FOXO3: variants seen among roughly 807,000 people sequenced by gnomAD.
The protein encoded by FOXO3 is forkhead box protein O3.
A neutral mutation model predicts 41.9 loss-of-function variants in FOXO3; 4 were observed. The observed-to-expected ratio is 0.10, with a 90% CI of 0.05 to 0.22. FOXO3 has a LOEUF of 0.22. Among genes scored for constraint, FOXO3 ranks in the 10% least tolerant of loss-of-function variants. FOXO3 has a pLI of 1.00. For missense variants in FOXO3, 534 were observed against 906.8 expected, an observed-to-expected ratio of 0.59 and a Z score of 5.28; for synonymous variants, 318 against 389.3, an observed-to-expected ratio of 0.82 and a Z score of 2.16.
intron 1 of FOXO3, among the ~76,000 whole-genome samples, chr6:108,588,332 A>AT (rs900055391): frequency 9.4e-5 from 14 of 149,368 alleles, no homozygotes; most frequent in Admixed American, 2.0e-4. Context: ...TGGATGTTGT[A>AT]TTTTTTTTTT....
At position 108,606,665 on chromosome 6, in the gene FOXO3, C is replaced by T. The variant is rs181336995; in HGVS notation, c.621+44836C>T. 3.7e-4 allele frequency among the ~76,000 whole-genome samples: 56 copies of T among 152,368 alleles called. 1 individual carries two copies. In the East Asian group the frequency reaches 5.0e-3, roughly 14 times the overall value. ...GAAAGCCAGGAACTGACAAACTTTT[C>T]TAGTCCTTTTGCCAGCCTGTTCTGC... is the stretch of plus-strand genomic sequence containing the variant. On this transcript the variant is annotated intron_variant, in intron 1 of 2. Transcript: ENST00000406360.
intron 2 of FOXO3, among the ~76,000 whole-genome samples, chr6:108,678,910 C>T (rs577326311): frequency 1.1e-4 from 13 of 120,300 alleles, no homozygotes; most frequent in Non-Finnish European, 2.0e-4. Context: ...GTCTCGCTGT[C>T]GCTCAGGCTG....
upstream of FOXO3, chr6:108,560,747 C>A (rs1488157859): frequency 2.9e-5 from 7 of 245,330 alleles, no homozygotes; most frequent in Non-Finnish European, 4.6e-5. Context: ...CAGCTCCGGC[C>A]GCTGCCCGCT....
At chr6:108,590,154 A>T (rs1776695326) in intron 1 of FOXO3, among the ~76,000 whole-genome samples, 1 of 149,828 alleles carries the variant, frequency 6.7e-6, no homozygotes, top group African/African-American at 2.5e-5. Context: ...TTTTTTTGAG[A>T]TGGCTTTACT....
intron 1 of FOXO3, among the ~76,000 whole-genome samples, chr6:108,616,240 C>T (rs1777508192): frequency 7.0e-6 from 1 of 143,094 alleles, no homozygotes; most frequent in Non-Finnish European, 1.5e-5. Flanking sequence ...TCTCGGCTCA[C>T]TGCAAGCTCC....
Position 108,681,713 on chromosome 6 carries a change from C to G in FOXO3, c.*1921C>G, listed in dbSNP as rs2128394511. ...AGTAGACTGTAGCACATTGCCTTTT[C>G]TAAACTGCTACATGTTTATAATCTT... On this transcript the variant is annotated 3_prime_UTR_variant, in exon 3 of 3. Coordinates refer to ENST00000406360, the MANE Select transcript of FOXO3 (RefSeq NM_001455.4). 1 of 152,364 alleles carries G rather than the reference C, an allele frequency of 6.6e-6. No individual in the cohort carries two copies. The highest frequency in any genetic ancestry group is 3.4e-3 in the Middle Eastern group (1 of 294). 9.4% of individuals were successfully genotyped at this position (152,364 alleles called of 1,614,324 possible). A position where few individuals can be genotyped will look rare whatever the true frequency, so the allele number is the denominator to read the frequency against.
chr6:108,564,506 C>T (rs143466206), intron 1 of FOXO3, among the ~76,000 whole-genome samples: 15 of 152,324 alleles, frequency 9.8e-5, no homozygotes, highest in Non-Finnish European at 1.5e-4. Flanking sequence ...TTCAGGTTAA[C>T]GTCTCCTAGT....
At chr6:108,582,811 T>C (rs1292154498) in intron 1 of FOXO3, among the ~76,000 whole-genome samples, 1 of 152,082 alleles carries the variant, frequency 6.6e-6, no homozygotes, top group African/African-American at 2.4e-5. Context: ...TCTTGTTGGG[T>C]GTAACTGCCT....
intron 1 of FOXO3, among the ~76,000 whole-genome samples, chr6:108,613,495 A>C (rs1777416713): frequency 6.6e-6 from 1 of 152,096 alleles, no homozygotes; most frequent in Admixed American, 6.5e-5. Context: ...CATTTTATTT[A>C]AGTTGTCTAA....
intron 1 of FOXO3, among the ~76,000 whole-genome samples, chr6:108,624,888 G>T (rs1203588448): frequency 6.6e-6 from 1 of 152,114 alleles, no homozygotes; most frequent in Non-Finnish European, 1.5e-5. Context: ...CTTTACCTGA[G>T]CCTCTGGAGT....
At chr6:108,647,712 A>G (rs1778431249) in intron 1 of FOXO3, among the ~76,000 whole-genome samples, 1 of 152,200 alleles carries the variant, frequency 6.6e-6, no homozygotes, top group South Asian at 2.1e-4. Context: ...CAAAATTGAA[A>G]TAGGTTATCC....
intron 1 of FOXO3, among the ~76,000 whole-genome samples, chr6:108,604,040 C>T (rs979832222): frequency 3.3e-5 from 5 of 152,126 alleles, no homozygotes; most frequent in African/African-American, 1.2e-4. Context: ...AGGATGATCA[C>T]ATCCTGCAAA....
chr6:108,594,446 T>A (rs1180856315), intron 1 of FOXO3, among the ~76,000 whole-genome samples: 1 of 152,162 alleles, frequency 6.6e-6, no homozygotes, highest in African/African-American at 2.4e-5. Context: ...AAAGGTATGA[T>A]CCAGCCCCAT....
chr6:108,635,649 G>A (rs1778101568), intron 1 of FOXO3, among the ~76,000 whole-genome samples: 1 of 152,182 alleles, frequency 6.6e-6, no homozygotes, highest in South Asian at 2.1e-4. Flanking sequence ...CTGCTAGAGA[G>A]GCACATCCTG....
chr6:108,581,806 G>A (rs1254666011), intron 1 of FOXO3, among the ~76,000 whole-genome samples: 1 of 152,134 alleles, frequency 6.6e-6, no homozygotes, highest in African/African-American at 2.4e-5. Flanking sequence ...ATGGGCAAAG[G>A]AACGAGAGGA....
intron 1 of FOXO3, among the ~76,000 whole-genome samples, chr6:108,564,507 G>A (rs557109598): frequency 2.6e-5 from 4 of 152,168 alleles, no homozygotes; most frequent in East Asian, 3.8e-4. Flanking sequence ...TCAGGTTAAC[G>A]TCTCCTAGTC....
rs960672333 is a variant in FOXO3 at position 108,684,586 on chromosome 6, C to T, written c.*4794C>T. 8.5e-5 allele frequency: 13 copies of T among 152,548 alleles called. No individual in the cohort carries two copies. The highest frequency in any genetic ancestry group is 2.9e-4 in the African/African-American group (12 of 41,430). 9.4% of individuals were successfully genotyped at this position (152,548 alleles called of 1,614,324 possible). ...ATATGTTGCCATGAATTAACTCTGC[C>T]GCCTTTCTTAAGGATCAAAACCAGT... On this transcript the variant is annotated 3_prime_UTR_variant, in exon 3 of 3. Transcript: ENST00000406360.
rs1728285785 is a variant in FOXO3 at position 108,601,811 on chromosome 6, T to TCTCAGTAGTGTGTTCCTGTTTGTTA, written c.621+39994_621+40018dup. On this transcript the variant is annotated intron_variant, in intron 1 of 2. Coordinates refer to ENST00000406360, the MANE Select transcript of FOXO3 (RefSeq NM_001455.4). Reference sequence around the variant, plus strand: ...TTTCCTGGATCCAAGTTGTTACACATCTCAGTAGTGTGTTCCTGTTTGTTA... The same window carrying TCTCAGTAGTGTGTTCCTGTTTGTTA: ...TTTCCTGGATCCAAGTTGTTACACATCTCAGTAGTGTGTTCCTGTTTGTTACTCAGTAGTGTGTTCCTGTTTGTTA... 5.3e-5 allele frequency among the ~76,000 whole-genome samples: 8 copies of TCTCAGTAGTGTGTTCCTGTTTGTTA among 152,254 alleles called. No homozygotes were observed. In the South Asian group the frequency reaches 1.7e-3, roughly 31 times the overall value.
intron 2 of FOXO3, among the ~76,000 whole-genome samples, chr6:108,668,361 A>G (rs1320754332): frequency 1.3e-5 from 2 of 152,192 alleles, no homozygotes; most frequent in Admixed American, 1.3e-4. Context: ...AAAAATAGCC[A>G]TACTTTTTTG....
Sources: gnomAD v4.1 joint callset for allele counts (sites outside exome capture counted in the v4.1 genomes callset) on GRCh38, gnomAD v4.1.1 for gene constraint, MANE v1.5 for transcripts, NCBI Gene and HGNC (gene_info 2026-07-23, HGNC 2026-07-21) for gene names.